Variants in ZNF521 observed in about 807,000 individuals in gnomAD.
ZNF521 encodes LYST-interacting protein 3.
In ZNF521, 14 loss-of-function variants were observed where a neutral mutation model predicts 105.5. The ratio of observed to expected loss-of-function variants is 0.13; its 90% CI spans 0.09 to 0.21. The LOEUF (loss-of-function observed/expected upper bound fraction) is 0.21. ZNF521 is among the 10% of genes least tolerant of loss of function. The pLI is 1.00. For missense variants in ZNF521, 1,233 were observed against 1,629.7 expected, an observed-to-expected ratio of 0.76 and a Z score of 4.19; for synonymous variants, 635 against 606.0, an observed-to-expected ratio of 1.05 and a Z score of -0.70.
chr18:25,333,299 ACTCT>A (rs150034581), intron 2 of ZNF521, among the ~76,000 whole-genome samples: 76 of 142,888 alleles, frequency 5.3e-4, no homozygotes, highest in Middle Eastern at 3.7e-3. Flanking sequence ...ATAAGGACAC[ACTCT>A]CTCTCTCTCT....
intron 5 of ZNF521, among the ~76,000 whole-genome samples, chr18:25,131,429 C>T (rs1876868971): frequency 6.6e-6 from 1 of 152,118 alleles, no homozygotes; most frequent in East Asian, 1.9e-4. Context: ...GCTCATTCTT[C>T]GAATATTAGT....
intron 5 of ZNF521, among the ~76,000 whole-genome samples, chr18:25,152,487 AAAAGAAAAAAAAAAG>A (rs2035067363): frequency 6.6e-6 from 1 of 151,946 alleles, no homozygotes; most frequent in African/African-American, 2.4e-5. Flanking sequence ...TCAAAAAAAA[AAAAGAAAAAAAAAAG>A]AAAGAAAAGA....
chr18:25,140,007 C>T (rs1391783993), intron 5 of ZNF521, among the ~76,000 whole-genome samples: 6 of 152,134 alleles, frequency 3.9e-5, no homozygotes, highest in Non-Finnish European at 8.8e-5. Context: ...CTGCAGGTGC[C>T]TTGATCTCCA....
At chr18:25,174,414 G>C (rs1340569484) in intron 5 of ZNF521, among the ~76,000 whole-genome samples, 1 of 152,160 alleles carries the variant, frequency 6.6e-6, no homozygotes, top group Admixed American at 6.5e-5. Context: ...CATTCCACGT[G>C]AACATTAGTC....
intron 4 of ZNF521, among the ~76,000 whole-genome samples, chr18:25,200,743 G>A (rs773167864): frequency 6.6e-6 from 1 of 152,046 alleles, no homozygotes; most frequent in African/African-American, 2.4e-5. Flanking sequence ...GACCAGTCTA[G>A]AGTTTATCCT....
chr18:25,150,936 T>C (rs1024395478), intron 5 of ZNF521, among the ~76,000 whole-genome samples: 8 of 147,544 alleles, frequency 5.4e-5, no homozygotes, highest in Non-Finnish European at 8.9e-5. Context: ...TCACCCAGAC[T>C]GAAGTACAGT....
intron 2 of ZNF521, among the ~76,000 whole-genome samples, chr18:25,330,190 A>T (rs1369609026): frequency 1.6e-5 from 1 of 61,090 alleles, no homozygotes; most frequent in African/African-American, 6.0e-5. Flanking sequence ...TTTGAGACAG[A>T]GTCTCACTCT....
At chr18:25,142,189 A>T (rs1055665675) in intron 5 of ZNF521, among the ~76,000 whole-genome samples, 2 of 152,048 alleles carry the variant, frequency 1.3e-5, no homozygotes, top group African/African-American at 2.4e-5. Flanking sequence ...CACCTCATCA[A>T]ATAAACCAGA....
Position 25,228,320 on chromosome 18 carries a change from T to G in ZNF521, c.221-623A>C, listed in dbSNP as rs865986730. 7.2e-5 allele frequency among the ~76,000 whole-genome samples: 11 copies of G among 152,306 alleles called. No homozygotes were observed. The South Asian group carries it at 8.3e-4, about 11-fold the overall frequency. On this transcript the variant is annotated intron_variant, in intron 3 of 7. Coordinates refer to ENST00000361524, the MANE Select transcript of ZNF521 (RefSeq NM_015461.3). Reference sequence around the variant, plus strand: ...AGAAGACAGAAAACACAATAATAATTATGTCTTGTGTAATGAAAGATAACC... The same window carrying G: ...AGAAGACAGAAAACACAATAATAATGATGTCTTGTGTAATGAAAGATAACC...
intron 3 of ZNF521, among the ~76,000 whole-genome samples, chr18:25,273,870 G>A (rs1294306257): frequency 6.6e-6 from 1 of 152,134 alleles, no homozygotes; most frequent in Non-Finnish European, 1.5e-5. Context: ...GATAAGTACA[G>A]TTTTCTATTA....
At chr18:25,336,658 C>A (rs908603105) in intron 2 of ZNF521, among the ~76,000 whole-genome samples, 25 of 152,272 alleles carry the variant, frequency 1.6e-4, no homozygotes, top group African/African-American at 5.1e-4. Context: ...GGTGAAGGTA[C>A]CTGTCGTGGC....
intron 2 of ZNF521, among the ~76,000 whole-genome samples, chr18:25,335,931 T>C (rs1047075999): frequency 6.6e-6 from 1 of 152,068 alleles, no homozygotes; most frequent in Non-Finnish European, 1.5e-5. Context: ...GCCTGGGTGA[T>C]TTCACAAACT....
At chr18:25,319,149 A>C (rs75238760) in intron 3 of ZNF521, among the ~76,000 whole-genome samples, 1 of 152,112 alleles carries the variant, frequency 6.6e-6, no homozygotes, top group Non-Finnish European at 1.5e-5. Flanking sequence ...CTGGGTATCA[A>C]TACAATGAGA....
intron 4 of ZNF521, among the ~76,000 whole-genome samples, chr18:25,208,655 T>G (rs954288671): frequency 3.3e-5 from 5 of 152,242 alleles, no homozygotes; most frequent in Non-Finnish European, 4.4e-5. Flanking sequence ...TGCTTATAAT[T>G]ATCAATTTCT....
At chr18:25,177,884 G>A (rs2035561282) in intron 5 of ZNF521, among the ~76,000 whole-genome samples, 1 of 152,150 alleles carries the variant, frequency 6.6e-6, no homozygotes, top group African/African-American at 2.4e-5. Flanking sequence ...GATTTTGGGA[G>A]GAAACCTGCA....
chr18:25,201,786 A>G (rs1233706599), intron 4 of ZNF521: 1 of 152,194 alleles, frequency 6.6e-6, no homozygotes, highest in Non-Finnish European at 1.5e-5. Context: ...TCTTTCTGTA[A>G]TACTAACTTG....
intron 3 of ZNF521, among the ~76,000 whole-genome samples, chr18:25,269,566 A>G (rs1909503825): frequency 6.6e-6 from 1 of 152,238 alleles, no homozygotes; most frequent in African/African-American, 2.4e-5. Context: ...CAAATGCAAA[A>G]GAATGGAAGT....
At chr18:25,202,177 G>T (rs1222707881) in intron 4 of ZNF521, 1 of 152,082 alleles carries the variant, frequency 6.6e-6, no homozygotes, top group Non-Finnish European at 1.5e-5. Context: ...ATTAACAAGG[G>T]TTAAACAAAT....
intron 4 of ZNF521, among the ~76,000 whole-genome samples, chr18:25,214,814 T>C (rs1219841698): frequency 1.3e-5 from 2 of 152,144 alleles, no homozygotes; most frequent in African/African-American, 4.8e-5. Context: ...TAATATAGTT[T>C]GGCCTGGAGA....
Sources: allele counts gnomAD v4.1 joint callset (sites outside exome capture counted in the v4.1 genomes callset), GRCh38; gene constraint gnomAD v4.1.1; transcripts MANE v1.5; gene names NCBI Gene and HGNC (gene_info 2026-07-23, HGNC 2026-07-21).